ATR: variants seen among roughly 807,000 people sequenced by gnomAD.
The protein encoded by ATR is serine/threonine-protein kinase ATR.
A neutral mutation model predicts 305.3 loss-of-function variants in ATR; 142 were observed. The observed-to-expected ratio is 0.47, with a 90% CI of 0.41 to 0.53. ATR has a LOEUF of 0.53. ATR is among the 20% of genes least tolerant of loss of function. The pLI, the probability that ATR is intolerant of heterozygous loss-of-function variation, is 0.00. For synonymous variants in ATR, 1,050 were observed against 1,068.1 expected, an observed-to-expected ratio of 0.98 and a Z score of 0.33; for missense variants, 2,135 against 3,133.1, an observed-to-expected ratio of 0.68 and a Z score of 7.60.
chr3:142,463,899 T>C (rs1559909223), intron 41 of ATR, among the ~76,000 whole-genome samples: 1 of 152,174 alleles, frequency 6.6e-6, no homozygotes, highest in African/African-American at 2.4e-5. Flanking sequence ...GAAAAAAAGC[T>C]TGTAGAAAAA....
intron 16 of ATR, among the ~76,000 whole-genome samples, chr3:142,547,206 T>G (rs2034299723): frequency 7.6e-6 from 1 of 132,328 alleles, no homozygotes; most frequent in Non-Finnish European, 1.8e-5. Context: ...GGGAAAGATT[T>G]AAAATAGAGA....
intron 30 of ATR, among the ~76,000 whole-genome samples, chr3:142,502,910 C>T (rs111926103): frequency 1.4e-4 from 21 of 152,288 alleles, no homozygotes; most frequent in African/African-American, 3.6e-4. Context: ...TGATTTTCTA[C>T]AATAAACCCA....
intron 26 of ATR, among the ~76,000 whole-genome samples, chr3:142,513,300 A>G (rs927435195): frequency 6.6e-6 from 1 of 152,240 alleles, no homozygotes; most frequent in Non-Finnish European, 1.5e-5. Flanking sequence ...ATGACTGGCA[A>G]CAAATTGGTA....
chr3:142,560,326 A>G lies in ATR; in HGVS notation c.1478T>C (p.Ile493Thr), dbSNP rs2108482764. 14 of 1,613,914 alleles carry G rather than the reference A, an allele frequency of 8.7e-6. No individual in the cohort carries two copies. The highest frequency in any genetic ancestry group is 1.2e-5 in the Non-Finnish European group (14 of 1,179,896). Residue 493 changes from isoleucine (I) to threonine (T), a missense_variant, in exon 6 of 47, where the codon ATT becomes ACT. Ile to Thr is a moderately conservative substitution (Grantham distance 89). This residue lies in a region of ATR where 744 missense variants were observed against 873.2 expected (regional missense o/e 0.85). Transcript: ENST00000350721. ...AGCAGTCAGTTGTAAGACAACAGCA[A>G]TTCCTTCTAACATCTCAATAACAGG... ...KNPVIEMLEG[I>T]AVVLQLTALC...
At chr3:142,480,953 G>A (rs968110773) in intron 36 of ATR, among the ~76,000 whole-genome samples, 2 of 152,362 alleles carry the variant, frequency 1.3e-5, no homozygotes, top group African/African-American at 4.8e-5. Flanking sequence ...GTATTAGGGT[G>A]GGAGTGACCT....
Position 142,457,719 on chromosome 3 carries a change from G to A in ATR, c.7540C>T (p.Arg2514Cys), listed in dbSNP as rs2108257662. ...TFEVPEIVPF[R>C]LTHNMVNGMG... ...CCATTAACCATATTATGAGTCAGGC[G>A]AAATGGCACAATTTCTGGAACTTCA... is the stretch of plus-strand genomic sequence containing the variant. The change falls in exon 45 of 47, where the codon CGC (arginine) becomes TGC (cysteine). Residue 2514 changes from arginine to cysteine, a missense_variant. Around this residue, in one of 9 missense-constraint regions of ATR, gnomAD observed 462 missense variants for 887.6 expected, o/e 0.52. Transcript: ENST00000350721. The A allele has an allele frequency of 1.2e-6, 2 of 1,613,986 alleles. No homozygotes were observed. The highest frequency in any genetic ancestry group is 1.1e-5 in the South Asian group (1 of 91,068).
intron 21 of ATR, among the ~76,000 whole-genome samples, chr3:142,532,039 C>A (rs2033672805): frequency 6.6e-6 from 1 of 152,148 alleles, no homozygotes; most frequent in African/African-American, 2.4e-5. Context: ...TGTTTTTTGG[C>A]TGCATAAATG....
intron 16 of ATR, among the ~76,000 whole-genome samples, chr3:142,544,213 T>G (rs2034171753): frequency 6.6e-6 from 1 of 151,740 alleles, no homozygotes; most frequent in Non-Finnish European, 1.5e-5. Context: ...ATCCCAGCAA[T>G]TTGGGAGGCT....
Position 142,521,664 on chromosome 3 carries a change from T to C in ATR, c.4266+1064A>G, listed in dbSNP as rs571281670. On this transcript the variant is annotated intron_variant, in intron 23 of 46. Coordinates refer to ENST00000350721, the MANE Select transcript of ATR (RefSeq NM_001184.4). ...AACTCTGAGAGGCTCAAAATTTCAG[T>C]GGAGGAAGTAACTAGAGATGTGATA... Among the ~76,000 whole-genome samples, 277 of 152,224 alleles carry C rather than the reference T, an allele frequency of 1.8e-3. 1 individual carries two copies. Among genetic ancestry groups the C allele is most frequent in the African/African-American group, 6.1e-3 (253 of 41,542 alleles).
intron 16 of ATR, among the ~76,000 whole-genome samples, chr3:142,545,548 A>G (rs2034238511): frequency 6.6e-6 from 1 of 152,208 alleles, no homozygotes; most frequent in African/African-American, 2.4e-5. Context: ...GTTAAGGGCA[A>G]TGAAAACCAT....
chr3:142,485,117 A>G, intron 36 of ATR, 23 bp downstream of exon 36: 1 of 1,613,518 alleles, frequency 6.2e-7, no homozygotes, highest in Non-Finnish European at 8.5e-7. Flanking sequence ...TTTAATCTGC[A>G]AACATGCAGT....
At chr3:142,499,858 TTATCTC>T in intron 30 of ATR, 140 bp from the exon 31 acceptor site, 3 of 712,990 alleles carry the variant, frequency 4.2e-6, no homozygotes, top group South Asian at 1.9e-5. Context: ...TATAAAATAA[TTATCTC>T]TATCCAGAAA....
intron 1 of ATR, among the ~76,000 whole-genome samples, chr3:142,573,506 TA>T (rs1180331616): frequency 1.3e-3 from 168 of 132,856 alleles, no homozygotes; most frequent in African/African-American, 1.2e-3. Context: ...ATAAAGTCCT[TA>T]AAAAAAAAAA....
chr3:142,507,800 GT>G (rs1369852430), intron 28 of ATR, 130 bp downstream of exon 28: 3 of 858,292 alleles, frequency 3.5e-6, no homozygotes, highest in Non-Finnish European at 5.3e-6. Context: ...CCAAATTGAT[GT>G]TTATCTCTCC....
chr3:142,557,656 C>A (rs986430380), intron 8 of ATR, among the ~76,000 whole-genome samples: 3 of 152,128 alleles, frequency 2.0e-5, no homozygotes, highest in Non-Finnish European at 2.9e-5. Context: ...CAAAGGCTTC[C>A]ATCATATCTC....
Position 142,466,451 on chromosome 3 carries a change from T to A in ATR, c.6770A>T (p.Glu2257Val), listed in dbSNP as rs2071133480. The change falls in exon 40 of 47, where the codon GAA becomes GTA. Residue 2257 changes from glutamate to valine, a missense_variant. Glu to Val is a moderately radical substitution (Grantham distance 121). Transcript: ENST00000350721. ...KKLVEEATFS[E>V]ILIPLQSVMI... Reference sequence around the variant, plus strand: ...GACTGATTGTAGAGGAATGAGGATTTCACTAAATGTTGCTTCTTCTACCAG... The same window carrying A: ...GACTGATTGTAGAGGAATGAGGATTACACTAAATGTTGCTTCTTCTACCAG... The A allele has an allele frequency of 1.9e-6, 3 of 1,613,784 alleles. No homozygotes were observed. The South Asian group carries it at 3.3e-5, about 18-fold the overall frequency.
chr3:142,558,664 A>G lies in ATR; in HGVS notation c.1845T>C (p.Ala615=). Residue 615 remains alanine, a synonymous_variant, in exon 8 of 47, where the codon GCT becomes GCC. Transcript: ENST00000350721. The part of the protein sequence containing the change: ...DGCLKLTTFA[A]NLLTLSCRIS... Reference sequence around the variant, plus strand: ...TCCTACAGCTTAATGTTAGAAGATTAGCGGCAAATGTGGTCAACTTTAAAC... The same window carrying G: ...TCCTACAGCTTAATGTTAGAAGATTGGCGGCAAATGTGGTCAACTTTAAAC... 1 of 1,613,508 alleles carries G rather than the reference A, an allele frequency of 6.2e-7. No homozygotes were observed. Among genetic ancestry groups the G allele is most frequent in the African/African-American group, 1.3e-5 (1 of 75,036 alleles).
At chr3:142,555,240 GAAA>G (rs113798451) in intron 10 of ATR, among the ~76,000 whole-genome samples, 1 of 62,072 alleles carries the variant, frequency 1.6e-5, no homozygotes, top group African/African-American at 4.9e-5. Context: ...CCGTCTCGGG[GAAA>G]AAAAAAAAAA....
intron 36 of ATR, among the ~76,000 whole-genome samples, chr3:142,483,665 C>G (rs533283369): frequency 2.9e-4 from 44 of 151,830 alleles, no homozygotes; most frequent in Non-Finnish European, 5.3e-4. Flanking sequence ...GGTGAAACCC[C>G]GTCTATACTA....
Sources: gnomAD v4.1 joint callset for allele counts (sites outside exome capture counted in the v4.1 genomes callset) on GRCh38, gnomAD v4.1.1 for gene constraint, gnomAD v4.1.1 regional missense constraint, MANE v1.5 for transcripts, NCBI Gene and HGNC (gene_info 2026-07-23, HGNC 2026-07-21) for gene names.